The following CCDC175 variants were observed in gnomAD, a reference collection of about 807,000 sequenced individuals.
The protein encoded by CCDC175 is coiled-coil domain containing 175.
In CCDC175, 100 loss-of-function variants were observed where a neutral mutation model predicts 114.6. The observed-to-expected ratio is 0.87, with a 90% CI of 0.74 to 1.03. The LOEUF is 1.03. Among genes scored for constraint, CCDC175 ranks in the 50% least tolerant of loss-of-function variants. The pLI is 0.00. For missense variants in CCDC175, 880 were observed against 917.8 expected (o/e 0.96, Z 0.53); for synonymous variants, 306 against 308.7 (o/e 0.99, Z 0.09).
intron 14 of CCDC175, among the ~76,000 whole-genome samples, chr14:59,531,290 C>A (rs765756741): frequency 1.3e-5 from 2 of 151,978 alleles, no homozygotes; most frequent in Non-Finnish European, 2.9e-5. Context: ...TATTTCACGT[C>A]CTCTACTAAC....
intron 3 of CCDC175, among the ~76,000 whole-genome samples, chr14:59,568,726 A>G (rs557647730): frequency 4.6e-5 from 7 of 152,312 alleles, no homozygotes; most frequent in African/African-American, 1.7e-4. Flanking sequence ...TGTATAACCC[A>G]GAAGTACAAG....
rs973693172 is a variant in CCDC175, at chr14:59,538,212, T to C, written c.1492-58A>G. The C allele has an allele frequency of 1.4e-5, 19 of 1,388,414 alleles. No homozygotes were observed. In the South Asian group the frequency reaches 2.5e-4, roughly 18 times the overall value. The allele number at this position is 1,388,414 out of a possible 1,614,324, so 86.0% of individuals were successfully genotyped here. On this transcript the variant is annotated intron_variant, in intron 12 of 19. Transcript: ENST00000537690. The stretch of plus-strand genomic sequence containing the variant: ...TCTTGTAGTGATCAGCCTTACATTT[T>C]CGAATAGCCAGGAAATTAATATCTC...
At chr14:59,567,839 T>G (rs1896644501) in intron 4 of CCDC175, among the ~76,000 whole-genome samples, 1 of 152,200 alleles carries the variant, frequency 6.6e-6, no homozygotes, top group African/African-American at 2.4e-5. Flanking sequence ...TGGTTTGACA[T>G]TAGATTTACA....
intron 2 of CCDC175, among the ~76,000 whole-genome samples, chr14:59,574,333 A>G (rs1216231385): frequency 1.3e-5 from 2 of 152,224 alleles, no homozygotes; most frequent in Non-Finnish European, 2.9e-5. Flanking sequence ...GTGCCAAGGA[A>G]GCATTGTCAA....
At chr14:59,525,147 G>C (rs918770211) in intron 16 of CCDC175, 135 bp downstream of exon 16, 3 of 590,906 alleles carry the variant, frequency 5.1e-6, no homozygotes, top group Non-Finnish European at 7.9e-6. Context: ...CTTGCAATCT[G>C]GGCACTTTTC....
Position 59,568,238 on chromosome 14 carries a change from T to C in CCDC175, c.491+7A>G. ...CTCCCTCAAATACTGAATATAAGAATACCTACCCCAGAGCTTCATTATATT... is the reference window on the plus strand; with the variant it reads ...CTCCCTCAAATACTGAATATAAGAACACCTACCCCAGAGCTTCATTATATT... On this transcript the variant is annotated splice_region_variant and intron_variant, in intron 4 of 19. Coordinates refer to ENST00000537690, the MANE Select transcript of CCDC175 (RefSeq NM_001164399.2). 1 of 1,523,052 alleles carries C rather than the reference T, an allele frequency of 6.6e-7. No homozygotes were observed. The highest frequency in any genetic ancestry group is 8.7e-7 in the Non-Finnish European group (1 of 1,143,380). The allele number at this position is 1,523,052 out of a possible 1,614,324, so 94.3% of individuals were successfully genotyped here. A position where few individuals can be genotyped will look rare whatever the true frequency, so the allele number is the denominator to read the frequency against.
intron 19 of CCDC175, among the ~76,000 whole-genome samples, chr14:59,508,294 A>G (rs1270754294): frequency 2.6e-5 from 4 of 151,694 alleles, no homozygotes; most frequent in African/African-American, 9.7e-5. Flanking sequence ...GGTCCATGGC[A>G]CACACATATA....
intron 8 of CCDC175, among the ~76,000 whole-genome samples, chr14:59,548,122 A>G (rs1895228079): frequency 6.6e-6 from 1 of 152,218 alleles, no homozygotes; most frequent in African/African-American, 2.4e-5. Flanking sequence ...CAGCCTTAAA[A>G]AAGAAGAAAT....
chr14:59,540,804 G>C, intron 10 of CCDC175, 58 bp from the exon 11 acceptor site: 1 of 1,329,106 alleles, frequency 7.5e-7, no homozygotes, highest in Non-Finnish European at 1.0e-6. Context: ...ATATACAATA[G>C]ACTCTATACG....
chr14:59,506,763 C>CTT (rs1372992948), intron 19 of CCDC175, among the ~76,000 whole-genome samples: 1 of 152,140 alleles, frequency 6.6e-6, no homozygotes, highest in African/African-American at 2.4e-5. Flanking sequence ...TTTTTCTAGA[C>CTT]TTAATCAAAA....
chr14:59,528,334 T>C (rs1237305846), intron 14 of CCDC175, among the ~76,000 whole-genome samples: 1 of 152,178 alleles, frequency 6.6e-6, no homozygotes, highest in Non-Finnish European at 1.5e-5. Context: ...TCTTTTCTTT[T>C]AAATATTGTT....
At position 59,560,226 on chromosome 14, in the gene CCDC175, T is replaced by G. The variant is rs887669874; in HGVS notation, c.953+893A>C. Among the ~76,000 whole-genome samples the G allele has an allele frequency of 3.2e-4, 49 of 152,158 alleles. 1 individual carries two copies. Among genetic ancestry groups the G allele is most frequent in the Non-Finnish European group, 5.6e-4 (38 of 68,024 alleles). On this transcript the variant is annotated intron_variant, in intron 7 of 19. Coordinates refer to ENST00000537690, the MANE Select transcript of CCDC175 (RefSeq NM_001164399.2). ...CTGTTTTGAAAGACCTATTATAATT[T>G]TAATTACAATATATTCAAATATATA...
chr14:59,551,756 G>A (rs180736168), intron 7 of CCDC175, among the ~76,000 whole-genome samples: 61 of 152,242 alleles, frequency 4.0e-4, no homozygotes, highest in East Asian at 1.2e-3. Context: ...TGGAAAATCC[G>A]GTCACTCCCA....
intron 7 of CCDC175, among the ~76,000 whole-genome samples, chr14:59,553,769 ATCTACCAAGC>A (rs1895686434): frequency 6.6e-6 from 1 of 152,206 alleles, no homozygotes; most frequent in Admixed American, 6.5e-5. Context: ...ATGGAGGAAG[ATCTACCAAGC>A]AAATGGAAAA....
chr14:59,551,032 C>T (rs143200314), intron 8 of CCDC175: 26 of 175,762 alleles, frequency 1.5e-4, no homozygotes, highest in African/African-American at 5.9e-4. Flanking sequence ...GCGTAGCACA[C>T]AACAGCAAGA....
In CCDC175 at chr14:59,531,820, A is replaced by G; in HGVS notation, c.1714T>C (p.Tyr572His). ...TCTAACTTTCTTCTTTTCTCTTTAT[A>G]CTCTTGTTCTGCCACCTGAAGTTGT... Reference protein sequence around the residue: ...LPQLQVAEQEYKEKRRKLEEL... With the variant: ...LPQLQVAEQEHKEKRRKLEEL... The change falls in exon 14 of 20, where the codon TAT becomes CAT. Residue 572 changes from tyrosine (Y) to histidine (H), a missense_variant. By Grantham distance (83) the Tyr-to-His change is moderately conservative. Coordinates refer to ENST00000537690, the MANE Select transcript of CCDC175 (RefSeq NM_001164399.2). 1 of 1,496,810 alleles carries G rather than the reference A, an allele frequency of 6.7e-7. No homozygotes were observed. Among genetic ancestry groups the G allele is most frequent in the Non-Finnish European group, 9.0e-7 (1 of 1,114,864 alleles). 92.7% of individuals were successfully genotyped at this position (1,496,810 alleles called of 1,614,324 possible). A position where few individuals can be genotyped will look rare whatever the true frequency, so the allele number is the denominator to read the frequency against.
intron 13 of CCDC175, among the ~76,000 whole-genome samples, chr14:59,536,735 TATTAA>T (rs745441077): frequency 7.2e-5 from 11 of 152,158 alleles, no homozygotes; most frequent in Admixed American, 3.3e-4. Context: ...TTTGTACTGC[TATTAA>T]ATTATTTTTT....
intron 17 of CCDC175, among the ~76,000 whole-genome samples, chr14:59,514,777 C>A (rs1402953486): frequency 6.6e-6 from 1 of 152,152 alleles, no homozygotes; most frequent in Non-Finnish European, 1.5e-5. Context: ...CCCAATCTAG[C>A]AAGGCAGGCC....
At chr14:59,514,401 G>C (rs1157463816) in intron 17 of CCDC175, among the ~76,000 whole-genome samples, 1 of 152,088 alleles carries the variant, frequency 6.6e-6, no homozygotes, top group African/African-American at 2.4e-5. Flanking sequence ...CCATGTCAAA[G>C]AAGTTAAAAA....
Sources: allele counts gnomAD v4.1 joint callset (sites outside exome capture counted in the v4.1 genomes callset), GRCh38; gene constraint gnomAD v4.1.1; transcripts MANE v1.5; gene names NCBI Gene and HGNC (gene_info 2026-07-23, HGNC 2026-07-21).